The following ERBIN variants were observed in gnomAD, a reference collection of about 807,000 sequenced individuals.
ERBIN encodes densin-180-like protein.
ERBIN carries 60 observed loss-of-function variants against 158.4 expected under a neutral mutation model. The observed-to-expected ratio is 0.38, with a 90% CI of 0.31 to 0.47. ERBIN has a LOEUF of 0.47. ERBIN is among the 20% of genes least tolerant of loss of function. The pLI is 0.99. For synonymous variants in ERBIN, 594 were observed against 557.2 expected (o/e 1.07, Z -0.93); for missense variants, 1,610 against 1,648.0 (o/e 0.98, Z 0.40).
intron 15 of ERBIN, among the ~76,000 whole-genome samples, chr5:66,041,961 CAAAG>C (rs1055571223): frequency 1.3e-5 from 2 of 151,790 alleles, no homozygotes; most frequent in African/African-American, 4.8e-5. Context: ...GTAATGAAAA[CAAAG>C]AAAAGGCTAA....
intron 22 of ERBIN, among the ~76,000 whole-genome samples, chr5:66,074,286 A>G (rs373563101): frequency 6.6e-6 from 1 of 152,106 alleles, no homozygotes; most frequent in South Asian, 2.1e-4. Flanking sequence ...TCTAAAAATG[A>G]GAGGCATTAA....
chr5:66,046,226 A>G, intron 17 of ERBIN, 127 bp from the exon 18 acceptor site: 1 of 492,802 alleles, frequency 2.0e-6, no homozygotes, highest in Non-Finnish European at 3.4e-6. Context: ...TTCTATGTTT[A>G]AAGTTTTCAT....
At chr5:66,006,649 C>T (rs1753633143) in intron 4 of ERBIN, among the ~76,000 whole-genome samples, 1 of 152,056 alleles carries the variant, frequency 6.6e-6, no homozygotes, top group African/African-American at 2.4e-5. Context: ...ACTTATCTGA[C>T]AAAGGGCTAA....
At position 66,069,099 on chromosome 5, in the gene ERBIN, G is replaced by GA. The variant is rs893202200; in HGVS notation, c.3634-3062dup. The stretch of plus-strand genomic sequence containing the variant: ...ATTTTAAGTGTTTTAATGTTTCCAG[G>GA]AAAAAAAATGTTTACTCTGGGTTAG... On this transcript the variant is annotated intron_variant, in intron 21 of 25. Coordinates refer to ENST00000284037, the MANE Select transcript of ERBIN (RefSeq NM_001253697.2). 136 of 1,293,256 alleles carry GA rather than the reference G, an allele frequency of 1.1e-4. No individual in the cohort carries two copies. In the African/African-American group the frequency reaches 1.2e-3, roughly 11 times the overall value. 80.1% of individuals were successfully genotyped at this position (1,293,256 alleles called of 1,614,324 possible). A position where few individuals can be genotyped will look rare whatever the true frequency, so the allele number is the denominator to read the frequency against.
chr5:66,014,395 G>A (rs1354242493), intron 6 of ERBIN, among the ~76,000 whole-genome samples: 2 of 152,128 alleles, frequency 1.3e-5, no homozygotes, highest in South Asian at 2.1e-4. Flanking sequence ...TTGGTAAAAG[G>A]TATGAAATTC....
intron 21 of ERBIN, among the ~76,000 whole-genome samples, chr5:66,067,194 A>G (rs1186934861): frequency 1.3e-5 from 2 of 152,190 alleles, no homozygotes; most frequent in Admixed American, 6.6e-5. Context: ...GGTCTGGGCT[A>G]TAAGTTTAGC....
At chr5:66,048,810 T>C in intron 19 of ERBIN, 29 bp downstream of exon 19, 2 of 1,284,946 alleles carry the variant, frequency 1.6e-6, no homozygotes, top group Non-Finnish European at 2.2e-6. Flanking sequence ...GTGCTAAGAA[T>C]AGAAATTGCC....
chr5:66,036,005 C>G (rs143715352), intron 14 of ERBIN, among the ~76,000 whole-genome samples: 15 of 152,174 alleles, frequency 9.9e-5, no homozygotes, highest in African/African-American at 3.4e-4. Context: ...GGGAGGATTG[C>G]TTGAGCCCAG....
chr5:65,942,293 G>A (rs1049548974), intron 1 of ERBIN, among the ~76,000 whole-genome samples: 1 of 151,776 alleles, frequency 6.6e-6, no homozygotes, highest in Non-Finnish European at 1.5e-5. Context: ...GACTCTGTTG[G>A]TTTTTTTTGC....
intron 12 of ERBIN, 43 bp from the exon 13 acceptor site, chr5:66,026,259 G>A: frequency 7.5e-7 from 1 of 1,332,848 alleles, no homozygotes; most frequent in Non-Finnish European, 1.0e-6. Context: ...TGATCAACCT[G>A]TAGGCCAAAT....
Position 66,013,536 on chromosome 5 carries a change from G to T in ERBIN, c.387-13G>T. 2.6e-6 allele frequency: 4 copies of T among 1,525,996 alleles called. No homozygotes were observed. Among genetic ancestry groups the T allele is most frequent in the Non-Finnish European group, 3.6e-6 (4 of 1,101,602 alleles). The allele number at this position is 1,525,996 out of a possible 1,614,324, so 94.5% of individuals were successfully genotyped here. ...TTACATGAACTTAACTTAAATTCTGGTATTTTATGTAGGCTCCCTGATGGA... is the reference window on the plus strand; with the variant it reads ...TTACATGAACTTAACTTAAATTCTGTTATTTTATGTAGGCTCCCTGATGGA... On this transcript the variant is annotated splice_polypyrimidine_tract_variant and intron_variant, in intron 5 of 25. Coordinates refer to ENST00000284037, the MANE Select transcript of ERBIN (RefSeq NM_001253697.2).
At chr5:66,018,889 C>A (rs1755370041) in intron 7 of ERBIN, among the ~76,000 whole-genome samples, 1 of 151,718 alleles carries the variant, frequency 6.6e-6, no homozygotes, top group Admixed American at 6.6e-5. Context: ...CCTGCCTTGG[C>A]CTCCCAAAGT....
At chr5:66,065,061 A>G (rs1332271233) in intron 21 of ERBIN, among the ~76,000 whole-genome samples, 3 of 152,120 alleles carry the variant, frequency 2.0e-5, no homozygotes, top group Non-Finnish European at 4.4e-5. Flanking sequence ...GCATTGTGGT[A>G]TAGTATAAAA....
intron 1 of ERBIN, among the ~76,000 whole-genome samples, chr5:65,946,957 A>C (rs1336852433): frequency 1.3e-5 from 2 of 148,478 alleles, no homozygotes; most frequent in Non-Finnish European, 3.0e-5. Flanking sequence ...TTCTAACTGG[A>C]TTTTTTTTTT....
At chr5:66,061,317 G>C (rs1300116260) in intron 21 of ERBIN, among the ~76,000 whole-genome samples, 3 of 152,086 alleles carry the variant, frequency 2.0e-5, no homozygotes, top group Non-Finnish European at 2.9e-5. Flanking sequence ...TGACTCTTTT[G>C]ATCTTTGTTG....
intron 1 of ERBIN, among the ~76,000 whole-genome samples, chr5:65,965,485 C>T (rs1748496093): frequency 6.8e-6 from 1 of 146,958 alleles, no homozygotes; most frequent in Non-Finnish European, 1.5e-5. Flanking sequence ...GCTCACTGCA[C>T]CCTTCGCCTC....
chr5:66,028,190 C>G (rs1290933303), intron 13 of ERBIN, 84 bp from the exon 14 acceptor site: 5 of 973,378 alleles, frequency 5.1e-6, no homozygotes, highest in Non-Finnish European at 7.5e-6. Flanking sequence ...TAGCATTTTT[C>G]AGAAAACCTT....
At chr5:66,050,668 T>C in intron 19 of ERBIN, 115 bp from the exon 20 acceptor site, 2 of 532,484 alleles carry the variant, frequency 3.8e-6, no homozygotes, top group Non-Finnish European at 6.3e-6. Flanking sequence ...ATCAATATAA[T>C]TTATTACCTC....
intron 1 of ERBIN, among the ~76,000 whole-genome samples, chr5:65,973,883 T>C (rs1749560426): frequency 6.6e-6 from 1 of 151,190 alleles, no homozygotes; most frequent in Non-Finnish European, 1.5e-5. Flanking sequence ...GGAAAAAAAT[T>C]AGGTGCTGAC....
Sources: gnomAD v4.1 joint callset for allele counts (sites outside exome capture counted in the v4.1 genomes callset) on GRCh38, gnomAD v4.1.1 for gene constraint, MANE v1.5 for transcripts, NCBI Gene and HGNC (gene_info 2026-07-23, HGNC 2026-07-21) for gene names.